SCFD2: variants seen among roughly 807,000 people sequenced by gnomAD.
SCFD2 encodes sec1 family domain-containing protein 2.
A neutral mutation model predicts 58.9 loss-of-function variants in SCFD2; 54 were observed. The observed-to-expected ratio is 0.92, with a 90% CI of 0.74 to 1.15. SCFD2 has a LOEUF of 1.15. Among genes scored for constraint, SCFD2 ranks in the 50% most tolerant of loss-of-function variants. The pLI is 0.00. For synonymous variants in SCFD2, 321 were observed against 335.9 expected (o/e 0.96, Z 0.49); for missense variants, 805 against 836.6 (o/e 0.96, Z 0.47).
At chr4:53,136,451 C>T (rs770757475) in intron 5 of SCFD2, among the ~76,000 whole-genome samples, 1 of 152,180 alleles carries the variant, frequency 6.6e-6, no homozygotes, top group African/African-American at 2.4e-5. Context: ...AAAACCCAGA[C>T]ATCCACAAAA....
intron 4 of SCFD2, among the ~76,000 whole-genome samples, chr4:53,229,922 C>T (rs1188233144): frequency 6.6e-6 from 1 of 151,986 alleles, no homozygotes; most frequent in African/African-American, 2.4e-5. Flanking sequence ...AACAAATTTA[C>T]AAGAAAAAAA....
chr4:52,898,766 C>A (rs1719096113), intron 7 of SCFD2, among the ~76,000 whole-genome samples: 1 of 152,098 alleles, frequency 6.6e-6, no homozygotes, highest in Non-Finnish European at 1.5e-5. Context: ...TAAAGTCTCC[C>A]ACTATTATTG....
chr4:53,251,472 CA>C (rs1393464707), intron 4 of SCFD2, among the ~76,000 whole-genome samples: 2 of 152,092 alleles, frequency 1.3e-5, no homozygotes, highest in Non-Finnish European at 2.9e-5. Context: ...AACATTGATG[CA>C]AAAATCCTCA....
At chr4:53,239,801 C>T (rs1301222502) in intron 4 of SCFD2, among the ~76,000 whole-genome samples, 1 of 152,092 alleles carries the variant, frequency 6.6e-6, no homozygotes, top group African/African-American at 2.4e-5. Context: ...AAATATTATG[C>T]TACTTACATT....
chr4:53,236,909 G>C (rs1355021499), intron 4 of SCFD2, among the ~76,000 whole-genome samples: 5 of 151,728 alleles, frequency 3.3e-5, no homozygotes, highest in Admixed American at 3.3e-4. Context: ...CAGGGTCATA[G>C]GACAATAGTG....
chr4:53,155,482 G>C (rs1486830381), intron 4 of SCFD2, among the ~76,000 whole-genome samples: 2 of 152,172 alleles, frequency 1.3e-5, no homozygotes, highest in Non-Finnish European at 2.9e-5. Context: ...TAAATTTCTA[G>C]TTGTTATAAA....
intron 4 of SCFD2, among the ~76,000 whole-genome samples, chr4:53,157,865 T>C (rs1369160311): frequency 6.6e-6 from 1 of 152,190 alleles, no homozygotes; most frequent in Non-Finnish European, 1.5e-5. Flanking sequence ...ATCTACGTTG[T>C]TAGAGAGAAA....
intron 2 of SCFD2, among the ~76,000 whole-genome samples, chr4:53,321,207 C>G (rs1276715285): frequency 6.6e-6 from 1 of 152,218 alleles, no homozygotes; most frequent in African/African-American, 2.4e-5. Context: ...ATGGTCATTT[C>G]AGTTCATTCC....
chr4:52,958,533 C>T (rs558513841), intron 5 of SCFD2, among the ~76,000 whole-genome samples: 1 of 152,218 alleles, frequency 6.6e-6, no homozygotes, highest in South Asian at 2.1e-4. Flanking sequence ...GGTTTCACCC[C>T]CACCCTCAAC....
chr4:52,964,711 CAT>C (rs1210811299), intron 5 of SCFD2, among the ~76,000 whole-genome samples: 1 of 151,246 alleles, frequency 6.6e-6, no homozygotes, highest in East Asian at 1.9e-4. Context: ...CACACACACA[CAT>C]ACACAAGGAC....
intron 5 of SCFD2, among the ~76,000 whole-genome samples, chr4:53,114,783 T>A (rs908093147): frequency 4.6e-5 from 7 of 152,062 alleles, no homozygotes; most frequent in African/African-American, 7.2e-5. Flanking sequence ...AAAATTGAAA[T>A]TGAAAATGAT....
intron 4 of SCFD2, among the ~76,000 whole-genome samples, chr4:53,208,271 G>C (rs1728500389): frequency 6.6e-6 from 1 of 151,984 alleles, no homozygotes; most frequent in South Asian, 2.1e-4. Flanking sequence ...CACCTCGCCA[G>C]GTACTTCTTT....
intron 5 of SCFD2, among the ~76,000 whole-genome samples, chr4:52,924,496 C>T (rs551384608): frequency 2.6e-5 from 4 of 152,182 alleles, no homozygotes; most frequent in South Asian, 2.1e-4. Flanking sequence ...GAAAAATAGT[C>T]GATTATGTCT....
chr4:53,092,896 A>C (rs1322334449), intron 5 of SCFD2, among the ~76,000 whole-genome samples: 1 of 152,128 alleles, frequency 6.6e-6, no homozygotes, highest in Non-Finnish European at 1.5e-5. Flanking sequence ...CAGAGGGCCC[A>C]AATGGGGAAG....
chr4:53,233,432 T>C (rs1426266159), intron 4 of SCFD2, among the ~76,000 whole-genome samples: 4 of 152,174 alleles, frequency 2.6e-5, no homozygotes, highest in Non-Finnish European at 4.4e-5. Context: ...TGGCATAAGG[T>C]GTGTATTTGA....
chr4:53,316,925 T>C (rs1434215137), intron 2 of SCFD2, among the ~76,000 whole-genome samples: 2 of 151,858 alleles, frequency 1.3e-5, no homozygotes, highest in Non-Finnish European at 2.9e-5. Context: ...CTGACCAACA[T>C]GGAGAAACCC....
intron 2 of SCFD2, among the ~76,000 whole-genome samples, chr4:53,346,402 G>A (rs1162202143): frequency 1.3e-5 from 2 of 151,608 alleles, no homozygotes; most frequent in Non-Finnish European, 2.9e-5. Flanking sequence ...AGCCCCCCAA[G>A]TAGCTGAGAT....
intron 7 of SCFD2, among the ~76,000 whole-genome samples, chr4:52,897,165 T>A (rs1260856722): frequency 6.6e-6 from 1 of 152,222 alleles, no homozygotes; most frequent in Non-Finnish European, 1.5e-5. Flanking sequence ...TCCTGCCTGA[T>A]TGCCCTGGCC....
chr4:53,121,997 C>T lies in SCFD2; in HGVS notation c.1561+23336G>A, dbSNP rs566630731. 6.6e-5 allele frequency among the ~76,000 whole-genome samples: 10 copies of T among 152,186 alleles called. No homozygotes were observed. The South Asian group carries it at 1.9e-3, about 28-fold the overall frequency. On this transcript the variant is annotated intron_variant, in intron 5 of 8. Transcript: ENST00000401642. Reference sequence around the variant, plus strand: ...AGCTGCCATCATCACATCACATTATCCATTTGAACCCAATTCTGACCTGAT... The same window carrying T: ...AGCTGCCATCATCACATCACATTATTCATTTGAACCCAATTCTGACCTGAT...
Sources: gnomAD v4.1 joint callset for allele counts (sites outside exome capture counted in the v4.1 genomes callset) on GRCh38, gnomAD v4.1.1 for gene constraint, MANE v1.5 for transcripts, NCBI Gene and HGNC (gene_info 2026-07-23, HGNC 2026-07-21) for gene names.